The following GEMIN5 variants were observed in gnomAD, a reference collection of about 807,000 sequenced individuals.
GEMIN5 encodes gem-associated protein 5.
Under a neutral mutation model 176.9 loss-of-function variants are expected in GEMIN5, and 124 were observed. The ratio of observed to expected loss-of-function variants is 0.70; its 90% confidence interval spans 0.61 to 0.81. The LOEUF is 0.81. Ranked by LOEUF, GEMIN5 falls within the 40% of genes least tolerant of loss-of-function variation. GEMIN5 has a pLI of 0.00. For synonymous variants in GEMIN5, 673 were observed against 665.2 expected (o/e 1.01, Z -0.18); for missense variants, 1,843 against 1,814.6 (o/e 1.02, Z -0.28).
Position 154,912,946 on chromosome 5 carries a change from G to A in GEMIN5, c.1948C>T (p.His650Tyr). ...AKITSVAWSP[H>Y]HDGRLVSASY... ...GCAGATACCAGCCTTCCATCATGAT[G>A]TGGGCTCCACGCCACACTGGTAATC... The change falls in exon 14 of 28, where the codon CAT becomes TAT. Residue 650 changes from histidine (H) to tyrosine (Y), a missense_variant. Coordinates refer to ENST00000285873, the MANE Select transcript of GEMIN5 (RefSeq NM_015465.5). 1 of 1,613,860 alleles carries A rather than the reference G, an allele frequency of 6.2e-7. No individual in the cohort carries two copies. Among genetic ancestry groups the A allele is most frequent in the East Asian group, 2.2e-5 (1 of 44,880 alleles).
At chr5:154,895,444 C>CCT (rs1365509640) in intron 24 of GEMIN5, among the ~76,000 whole-genome samples, 21 of 151,956 alleles carry the variant, frequency 1.4e-4, no homozygotes, top group African/African-American at 5.1e-4. Flanking sequence ...CAAACAATGG[C>CCT]CTCTGAAATA....
intron 25 of GEMIN5, 151 bp from the exon 26 acceptor site, chr5:154,891,893 A>G: frequency 1.4e-6 from 1 of 719,716 alleles, no homozygotes; most frequent in Non-Finnish European, 2.3e-6. Context: ...ATGCCTTTCC[A>G]CCAAGAGCCA....
intron 16 of GEMIN5, 76 bp from the exon 17 acceptor site, chr5:154,905,552 A>G: frequency 1.4e-6 from 1 of 690,490 alleles, no homozygotes; most frequent in Middle Eastern, 3.0e-4. Flanking sequence ...TGTAAAAATT[A>G]AGAGCCATTC....
intron 24 of GEMIN5, 95 bp downstream of exon 24, chr5:154,895,997 C>T (rs1039720991): frequency 4.6e-5 from 65 of 1,420,276 alleles, no homozygotes; most frequent in Non-Finnish European, 6.1e-5. Flanking sequence ...GAAACACAGT[C>T]CAGTATTCTG....
At chr5:154,911,324 C>T (rs1383298315) in intron 15 of GEMIN5, among the ~76,000 whole-genome samples, 1 of 152,054 alleles carries the variant, frequency 6.6e-6, no homozygotes, top group African/African-American at 2.4e-5. Flanking sequence ...CCAGCCTGGC[C>T]AACATGGCTA....
At chr5:154,907,472 T>C (rs1349034495) in intron 16 of GEMIN5, 119 bp downstream of exon 16, 1 of 395,564 alleles carries the variant, frequency 2.5e-6, no homozygotes. Context: ...AAAAAACTAA[T>C]GCTGTTTCCA....
At chr5:154,905,097 G>A (rs1490879769) in intron 17 of GEMIN5, among the ~76,000 whole-genome samples, 1 of 152,192 alleles carries the variant, frequency 6.6e-6, no homozygotes, top group African/African-American at 2.4e-5. Context: ...GGGAGGCTGA[G>A]GCAGGAGGAT....
intron 23 of GEMIN5, 30 bp downstream of exon 23, chr5:154,898,410 G>T: frequency 6.4e-7 from 1 of 1,554,414 alleles, no homozygotes; most frequent in Non-Finnish European, 8.9e-7. Flanking sequence ...CTTCCCTCTT[G>T]TATACTAGGA....
chr5:154,924,593 T>C (rs532362324), intron 8 of GEMIN5, 39 bp from the exon 9 acceptor site: 2 of 1,246,970 alleles, frequency 1.6e-6, no homozygotes, highest in South Asian at 1.2e-5. Context: ...ATATAAGAAG[T>C]GGGGCATATA....
In GEMIN5 at chr5:154,902,613, T is replaced by A; in HGVS notation, c.2792A>T (p.Asp931Val). The change falls in exon 20 of 28, where the codon GAT becomes GTT. Residue 931 changes from aspartate to valine, a missense_variant. Coordinates refer to ENST00000285873, the MANE Select transcript of GEMIN5 (RefSeq NM_015465.5). ...TGCAGTCTGGAGAACACCTTTGAGA[T>A]CTCCTTTCCAAAGCATAAGCTGGTG... ...LFHQLMLWKG[D>V]LKGVLQTAAE... is the part of the protein sequence containing the mutation. The A allele has an allele frequency of 2.5e-6, 4 of 1,613,994 alleles. No individual in the cohort carries two copies. Among genetic ancestry groups the A allele is most frequent in the Non-Finnish European group, 3.4e-6 (4 of 1,179,868 alleles).
chr5:154,935,352 T>C (rs1279891980), intron 3 of GEMIN5, among the ~76,000 whole-genome samples: 1 of 152,204 alleles, frequency 6.6e-6, no homozygotes, highest in East Asian at 1.9e-4. Context: ...AATAGACATC[T>C]TTCAGTGAGA....
At chr5:154,896,415 T>G in intron 23 of GEMIN5, 72 bp from the exon 24 acceptor site, 1 of 1,438,688 alleles carries the variant, frequency 7.0e-7, no homozygotes, top group South Asian at 1.5e-5. Context: ...AGCTCTCCCG[T>G]GTCCTTCAAA....
At chr5:154,905,604 T>G (rs923372863) in intron 16 of GEMIN5, 128 bp from the exon 17 acceptor site, 1 of 439,310 alleles carries the variant, frequency 2.3e-6, no homozygotes, top group African/African-American at 2.0e-5. Flanking sequence ...ACCAAAACTT[T>G]TGAGATAAAA....
At chr5:154,923,368 G>A (rs1170265197) in intron 9 of GEMIN5, among the ~76,000 whole-genome samples, 7 of 151,434 alleles carry the variant, frequency 4.6e-5, no homozygotes, top group African/African-American at 1.2e-4. Flanking sequence ...CAAGAAGAGC[G>A]AAACTCTGTC....
In GEMIN5 at chr5:154,921,369, C is replaced by A; in HGVS notation, c.1436G>T (p.Gly479Val). ...AAGTGACATGGGGGGTACTGGTGGC[C>A]CCCAGGCTAAAGTATATACAGTCTT... is the stretch of plus-strand genomic sequence containing the variant. ...HKKTVYTLAWGPPVPPMSLGG... is the reference protein window; with the variant it reads ...HKKTVYTLAWVPPVPPMSLGG... Residue 479 changes from glycine to valine, a missense_variant, in exon 10 of 28, where the codon GGG becomes GTG. By Grantham distance (109) the Gly-to-Val change is moderately radical. Coordinates refer to ENST00000285873, the MANE Select transcript of GEMIN5 (RefSeq NM_015465.5). 1 of 1,471,866 alleles carries A rather than the reference C, an allele frequency of 6.8e-7. No homozygotes were observed. The highest frequency in any genetic ancestry group is 9.4e-7 in the Non-Finnish European group (1 of 1,058,596). The allele number at this position is 1,471,866 out of a possible 1,614,324, so 91.2% of individuals were successfully genotyped here.
chr5:154,934,876 T>C (rs1037749179), intron 3 of GEMIN5, among the ~76,000 whole-genome samples: 1 of 152,220 alleles, frequency 6.6e-6, no homozygotes, highest in Non-Finnish European at 1.5e-5. Context: ...TTCAACCCCA[T>C]GATGAACTTG....
At position 154,895,188 on chromosome 5, in the gene GEMIN5, G is replaced by C. The variant is rs191679338; in HGVS notation, c.3597+904C>G. On this transcript the variant is annotated intron_variant, in intron 24 of 27. Transcript: ENST00000285873. ...CCTTGTTCCTCATAAATATCATAAT[G>C]TTCCCTCATTTTGAAATGAGGGAAA... Among the ~76,000 whole-genome samples the C allele has an allele frequency of 1.8e-3, 276 of 152,018 alleles. 4 individuals are homozygous for C. The East Asian group carries it at 0.024, about 13-fold the overall frequency.
chr5:154,925,957 C>T lies in GEMIN5; in HGVS notation c.1198G>A (p.Gly400Arg). ...VDIGSLAIGVGDGMIRVWNTL... is the reference protein window; with the variant it reads ...VDIGSLAIGVRDGMIRVWNTL... ...TTCCATACACGGATCATGCCATCCCCAACACCTATGGCCAAAGAGCCTATG... is the reference window on the plus strand; with the variant it reads ...TTCCATACACGGATCATGCCATCCCTAACACCTATGGCCAAAGAGCCTATG... Residue 400 changes from glycine to arginine, a missense_variant, in exon 8 of 28, where the codon GGG becomes AGG. Physicochemically the swap from Gly to Arg is moderately radical, Grantham distance 125. Coordinates refer to ENST00000285873, the MANE Select transcript of GEMIN5 (RefSeq NM_015465.5). 6.2e-7 allele frequency: 1 copy of T among 1,612,714 alleles called. No homozygotes were observed. Among genetic ancestry groups the T allele is most frequent in the Non-Finnish European group, 8.5e-7 (1 of 1,178,724 alleles).
intron 21 of GEMIN5, among the ~76,000 whole-genome samples, chr5:154,900,246 A>G (rs1763436262): frequency 1.3e-5 from 2 of 152,220 alleles, no homozygotes; most frequent in Admixed American, 1.3e-4. Flanking sequence ...ACAACTCAGT[A>G]AACAAATATT....
Sources: allele counts gnomAD v4.1 joint callset (sites outside exome capture counted in the v4.1 genomes callset), GRCh38; gene constraint gnomAD v4.1.1; transcripts MANE v1.5; gene names NCBI Gene and HGNC (gene_info 2026-07-23, HGNC 2026-07-21).